TRIP4: variants seen among roughly 807,000 people sequenced by gnomAD.
TRIP4 encodes the protein thyroid hormone receptor interactor 4, also known as activating signal cointegrator 1.
Under a neutral mutation model 81.8 loss-of-function variants are expected in TRIP4, and 54 were observed. The ratio of observed to expected loss-of-function variants is 0.66; its 90% CI spans 0.53 to 0.83. The LOEUF (loss-of-function observed/expected upper bound fraction) is 0.83. Among genes scored for constraint, TRIP4 ranks in the 40% least tolerant of loss-of-function variants. TRIP4 has a pLI of 0.00. For synonymous variants in TRIP4, 270 were observed against 242.8 expected (o/e 1.11, Z -1.04); for missense variants, 662 against 683.6 (o/e 0.97, Z 0.35).
chr15:64,448,390 CCTAT>C (rs1472970695), intron 12 of TRIP4, among the ~76,000 whole-genome samples: 1 of 152,118 alleles, frequency 6.6e-6, no homozygotes, highest in Non-Finnish European at 1.5e-5. Context: ...TTAATAACTT[CCTAT>C]CTTTTTCGTA....
intron 12 of TRIP4, among the ~76,000 whole-genome samples, chr15:64,446,470 T>C (rs966699467): frequency 6.9e-6 from 1 of 145,280 alleles, no homozygotes; most frequent in Non-Finnish European, 1.5e-5. Context: ...AGTGGCCCAA[T>C]CTCGGCTCAC....
intron 8 of TRIP4, among the ~76,000 whole-genome samples, chr15:64,416,476 A>G (rs1891892932): frequency 6.6e-6 from 1 of 152,020 alleles, no homozygotes; most frequent in Non-Finnish European, 1.5e-5. Flanking sequence ...TAATCCTAGC[A>G]TTTTGGGAGG....
intron 11 of TRIP4, among the ~76,000 whole-genome samples, chr15:64,426,373 T>A (rs1422948573): frequency 3.9e-5 from 6 of 152,126 alleles, no homozygotes; most frequent in Non-Finnish European, 8.8e-5. Flanking sequence ...TACATATGTA[T>A]GCATTTATAT....
At chr15:64,412,280 G>A (rs1027136482) in intron 7 of TRIP4, among the ~76,000 whole-genome samples, 10 of 151,840 alleles carry the variant, frequency 6.6e-5, no homozygotes, top group Non-Finnish European at 1.0e-4. Flanking sequence ...CTCTCCCCAC[G>A]CTATTTTAGA....
chr15:64,391,751 C>G (rs1319903031), intron 1 of TRIP4, among the ~76,000 whole-genome samples: 1 of 151,568 alleles, frequency 6.6e-6, no homozygotes, highest in Non-Finnish European at 1.5e-5. Context: ...GGGTTGATCA[C>G]TTGAGGTCAG....
intron 12 of TRIP4, among the ~76,000 whole-genome samples, chr15:64,452,180 C>T (rs1390642792): frequency 1.3e-5 from 2 of 152,066 alleles, no homozygotes; most frequent in African/African-American, 2.4e-5. Context: ...CAGTATTTCA[C>T]CATGTTGGCC....
chr15:64,405,158 CTTT>C (rs1376294499), intron 5 of TRIP4, among the ~76,000 whole-genome samples: 2 of 142,528 alleles, frequency 1.4e-5, no homozygotes, highest in Admixed American at 7.0e-5. Context: ...TTTTTCTTTT[CTTT>C]TTTTTTTTTT....
At chr15:64,423,999 T>C (rs1474222580) in intron 9 of TRIP4, 32 bp from the exon 10 acceptor site, 1 of 1,612,254 alleles carries the variant, frequency 6.2e-7, no homozygotes, top group East Asian at 2.2e-5. Context: ...CTAGAATTTA[T>C]ATCCTTCCCA....
At chr15:64,435,822 T>TA (rs57170652) in intron 11 of TRIP4, among the ~76,000 whole-genome samples, 50,810 of 65,910 alleles carry the variant, frequency 0.77, 20,629 homozygotes, top group Non-Finnish European at 0.87. Flanking sequence ...GGAAGCTTCT[T>TA]AAAAAAAAAA....
chr15:64,415,878 T>G (rs1217532181), intron 8 of TRIP4, among the ~76,000 whole-genome samples: 1 of 152,194 alleles, frequency 6.6e-6, no homozygotes, highest in Admixed American at 6.5e-5. Flanking sequence ...AGAAGGGTTC[T>G]GGAAGAATTT....
chr15:64,412,557 TA>T (rs34137664), intron 7 of TRIP4, among the ~76,000 whole-genome samples: 115,357 of 143,180 alleles, frequency 0.81, 48,248 homozygotes, highest in East Asian at 0.95. Flanking sequence ...AAAGCCTCTT[TA>T]AAAAAAAAAA....
At chr15:64,388,745 G>A (rs1164100837) in intron 1 of TRIP4, among the ~76,000 whole-genome samples, 2 of 152,136 alleles carry the variant, frequency 1.3e-5, no homozygotes, top group Admixed American at 1.3e-4. Context: ...GGAGTCTCAG[G>A]TTCTATATTC....
intron 11 of TRIP4, among the ~76,000 whole-genome samples, chr15:64,431,848 T>TATATA (rs879733141): frequency 2.4e-4 from 2 of 8,266 alleles, no homozygotes; most frequent in Non-Finnish European, 2.1e-3. Context: ...TATATATATA[T>TATATA]TTTTTTTATC....
chr15:64,434,523 A>G (rs1892346833), intron 11 of TRIP4, among the ~76,000 whole-genome samples: 1 of 151,534 alleles, frequency 6.6e-6, no homozygotes, highest in South Asian at 2.1e-4. Flanking sequence ...AGTGTTTTGA[A>G]GTTTTTTTGA....
At chr15:64,422,449 A>G (rs747711668) in intron 9 of TRIP4, among the ~76,000 whole-genome samples, 2 of 152,152 alleles carry the variant, frequency 1.3e-5, no homozygotes, top group Non-Finnish European at 2.9e-5. Context: ...GGTGCACTAC[A>G]CCTTTTCTCC....
chr15:64,423,926 C>T (rs1301963969), intron 9 of TRIP4, 105 bp from the exon 10 acceptor site: 3 of 1,403,972 alleles, frequency 2.1e-6, no homozygotes, highest in Non-Finnish European at 3.0e-6. Context: ...ATCTATAGAC[C>T]TCTTGGTTCA....
chr15:64,411,971 C>T (rs1213982698), intron 7 of TRIP4, among the ~76,000 whole-genome samples: 4 of 152,064 alleles, frequency 2.6e-5, no homozygotes, highest in Admixed American at 6.6e-5. Context: ...TGAACCACTG[C>T]GCCCGGCACT....
chr15:64,419,099 T>A (rs1891950895), intron 9 of TRIP4, among the ~76,000 whole-genome samples: 1 of 152,174 alleles, frequency 6.6e-6, no homozygotes, highest in Admixed American at 6.5e-5. Flanking sequence ...ACCTTAATAA[T>A]TTGATCCTAT....
chr15:64,395,565 A>G (rs774707770), intron 3 of TRIP4, 34 bp downstream of exon 3: 2 of 1,584,722 alleles, frequency 1.3e-6, no homozygotes, highest in East Asian at 2.3e-5. Context: ...TTTTCTGACT[A>G]TTGGAGAAGA....
Sources: allele counts gnomAD v4.1 joint callset (sites outside exome capture counted in the v4.1 genomes callset), GRCh38; gene constraint gnomAD v4.1.1; transcripts MANE v1.5; gene names NCBI Gene and HGNC (gene_info 2026-07-23, HGNC 2026-07-21).